PPCDC: variants seen among roughly 807,000 people sequenced by gnomAD.
PPCDC encodes phosphopantothenoylcysteine decarboxylase.
A neutral mutation model predicts 20.7 loss-of-function variants in PPCDC; 20 were observed. That is an observed-to-expected ratio of 0.97 (90% CI 0.68 to 1.41). The LOEUF (loss-of-function observed/expected upper bound fraction) is 1.41, where lower values mean the gene tolerates loss of function less well. Ranked by LOEUF, PPCDC falls within the 40% of genes most tolerant of loss-of-function variation. PPCDC has a pLI of 0.00. For missense variants in PPCDC, 246 were observed against 263.8 expected (o/e 0.93, Z 0.47); for synonymous variants, 88 against 100.3 (o/e 0.88, Z 0.73).
Position 75,048,572 on chromosome 15 carries a change from G to A in PPCDC, c.380G>A (p.Trp127Ter). Residue 127 changes from tryptophan (W) to a stop codon, truncating the protein, a stop_gained, in exon 5 of 6, where the codon TGG becomes TAG. Transcript: ENST00000342932. LOFTEE classifies it high-confidence loss of function. ...DNLLTCVMRA[W>*]DRSKPLLFCP... ...TCACAGACCTGCGTCATGCGGGCCT[G>A]GGACCGCAGCAAGCCCCTGCTCTTC... The A allele has an allele frequency of 1.9e-6, 3 of 1,614,102 alleles. No homozygotes were observed. The highest frequency in any genetic ancestry group is 2.5e-6 in the Non-Finnish European group (3 of 1,179,960).
intron 3 of PPCDC, among the ~76,000 whole-genome samples, chr15:75,044,082 C>T (rs1032850477): frequency 1.2e-4 from 16 of 132,558 alleles, no homozygotes; most frequent in African/African-American, 4.1e-4. Flanking sequence ...CTGGCTTGGA[C>T]AACCCAAGCA....
chr15:75,033,216 C>T (rs911486581), intron 2 of PPCDC, among the ~76,000 whole-genome samples: 2 of 152,200 alleles, frequency 1.3e-5, no homozygotes, highest in African/African-American at 4.8e-5. Flanking sequence ...TGGAACACAG[C>T]CATACCCATT....
At position 75,043,463 on chromosome 15, in the gene PPCDC, C is replaced by G; in HGVS notation, c.158C>G (p.Thr53Ser). 6.2e-7 allele frequency: 1 copy of G among 1,612,858 alleles called. No individual in the cohort carries two copies. Among genetic ancestry groups the G allele is most frequent in the Non-Finnish European group, 8.5e-7 (1 of 1,179,458 alleles). ...IPGLEVAVVT[T>S]ERAKHFYSPQ... ...CAGCTGGAAGTAGCAGTGGTCACAACTGAGAGAGCCAAACATTTCTACAGC... is the reference window on the plus strand; with the variant it reads ...CAGCTGGAAGTAGCAGTGGTCACAAGTGAGAGAGCCAAACATTTCTACAGC... Residue 53 changes from threonine to serine, a missense_variant, in exon 3 of 6, where the codon ACT becomes AGT. Transcript: ENST00000342932.
At chr15:75,048,343 T>G (rs903530514) in intron 4 of PPCDC, among the ~76,000 whole-genome samples, 8 of 152,164 alleles carry the variant, frequency 5.3e-5, no homozygotes, top group African/African-American at 1.9e-4. Context: ...ACCTCCTGTT[T>G]GTAGGATCCT....
chr15:75,044,283 G>GCAGGT (rs1359241965), intron 3 of PPCDC, 103 bp from the exon 4 acceptor site: 9 of 1,515,584 alleles, frequency 5.9e-6, no homozygotes, highest in Non-Finnish European at 8.1e-6. Flanking sequence ...CCTGGGCAGG[G>GCAGGT]CAGGTCAGTG....
At chr15:75,029,519 A>T (rs1054950314) in intron 2 of PPCDC, among the ~76,000 whole-genome samples, 2 of 152,016 alleles carry the variant, frequency 1.3e-5, no homozygotes, top group African/African-American at 2.4e-5. Flanking sequence ...CTGGGCTGGG[A>T]AGTGTTTCAC....
chr15:75,035,298 T>A (rs58227680), intron 2 of PPCDC, among the ~76,000 whole-genome samples: 1,990 of 152,286 alleles, frequency 0.013, 45 homozygotes, highest in African/African-American at 0.046. Flanking sequence ...CTCTTGGTTC[T>A]AGTGGGTAGA....
intron 4 of PPCDC, among the ~76,000 whole-genome samples, chr15:75,047,768 TCACAG>T (rs1392393344): frequency 2.0e-5 from 3 of 152,234 alleles, no homozygotes; most frequent in Non-Finnish European, 4.4e-5. Flanking sequence ...GTCCAGGTTC[TCACAG>T]CTAGTAATAC....
In PPCDC at chr15:75,044,301, C is replaced by G. The variant is rs2141497653; in HGVS notation, c.232-85C>G. 5 of 1,565,386 alleles carry G rather than the reference C, an allele frequency of 3.2e-6. No homozygotes were observed. The South Asian group carries it at 5.6e-5, about 17-fold the overall frequency. On this transcript the variant is annotated intron_variant, in intron 3 of 5. Transcript: ENST00000342932. The stretch of plus-strand genomic sequence containing the variant: ...GGGCAGGGCAGGTCAGTGGGTTCCT[C>G]AGTCTCCTGACTTACCGTACCTGGC...
intron 2 of PPCDC, among the ~76,000 whole-genome samples, chr15:75,030,544 A>G (rs374786121): frequency 1.3e-5 from 2 of 152,232 alleles, no homozygotes; most frequent in East Asian, 1.9e-4. Context: ...TTGGGATCCA[A>G]AGGTAATCCC....
rs1474110015 is a variant in PPCDC, at chr15:75,049,598, T to C, written c.*363T>C. ...AACACCACAGCTGGAGAGTCCTGGC[T>C]GAGCCTTGGGAGTTTCAGCTCTTTG... On this transcript the variant is annotated 3_prime_UTR_variant, in exon 6 of 6. Coordinates refer to ENST00000342932, the MANE Select transcript of PPCDC (RefSeq NM_021823.5). 1 of 204,674 alleles carries C rather than the reference T, an allele frequency of 4.9e-6. No individual in the cohort carries two copies. The highest frequency in any genetic ancestry group is 2.3e-5 in the African/African-American group (1 of 42,960). The allele number at this position is 204,674 out of a possible 1,614,324, so 12.7% of individuals were successfully genotyped here.
intron 4 of PPCDC, 142 bp downstream of exon 4, chr15:75,044,656 G>T (rs1198547157): frequency 4.3e-6 from 5 of 1,153,990 alleles, no homozygotes; most frequent in African/African-American, 1.6e-5. Flanking sequence ...TCCCCACATC[G>T]CCCCCAGTGC....
chr15:75,044,700 T>A, intron 4 of PPCDC, 186 bp downstream of exon 4: 1 of 746,654 alleles, frequency 1.3e-6, no homozygotes, highest in Non-Finnish European at 2.1e-6. Flanking sequence ...GGCACAGCCC[T>A]GGTCCTGATG....
At chr15:75,040,594 AATTATT>A (rs1273345833) in intron 2 of PPCDC, among the ~76,000 whole-genome samples, 1 of 152,114 alleles carries the variant, frequency 6.6e-6, no homozygotes, top group East Asian at 1.9e-4. Flanking sequence ...TATTTACTAT[AATTATT>A]ATTATATTAG....
In PPCDC at chr15:75,045,350, A is replaced by G. The variant is rs117808616; in HGVS notation, c.360+836A>G. 1.8e-3 allele frequency among the ~76,000 whole-genome samples: 278 copies of G among 152,332 alleles called. 1 individual carries two copies. The highest frequency in any genetic ancestry group is 2.4e-3 in the Non-Finnish European group (162 of 68,020). On this transcript the variant is annotated intron_variant, in intron 4 of 5. Transcript: ENST00000342932. Reference sequence around the variant, plus strand: ...TCACCCATGCCGTTGGGAAGGGAGTATCCTCTGGTGAGGGGTACAGTCCTG... The same window carrying G: ...TCACCCATGCCGTTGGGAAGGGAGTGTCCTCTGGTGAGGGGTACAGTCCTG...
At chr15:75,049,113 G>C in intron 5 of PPCDC, 37 bp from the exon 6 acceptor site, 12 of 1,569,794 alleles carry the variant, frequency 7.6e-6, no homozygotes, top group Non-Finnish European at 1.1e-5. Flanking sequence ...TACAGGCACT[G>C]TTGGCCTGTC....
intron 2 of PPCDC, among the ~76,000 whole-genome samples, chr15:75,031,231 C>T (rs2066017235): frequency 6.6e-6 from 1 of 152,136 alleles, no homozygotes; most frequent in African/African-American, 2.4e-5. Context: ...AGAGAAGGTC[C>T]TGGGGCTCAG....
intron 4 of PPCDC, chr15:75,044,893 C>G (rs1476693269): frequency 4.2e-6 from 1 of 240,638 alleles, no homozygotes; most frequent in Non-Finnish European, 8.3e-6. Flanking sequence ...TCTGCCTTCT[C>G]CGCAGATCTG....
chr15:75,036,480 G>A (rs34843990), intron 2 of PPCDC, among the ~76,000 whole-genome samples: 2,200 of 152,274 alleles, frequency 0.014, 31 homozygotes, highest in Middle Eastern at 0.031. Flanking sequence ...CAGAGGTGGG[G>A]CATCAGGAAA....
Sources: allele counts gnomAD v4.1 joint callset (sites outside exome capture counted in the v4.1 genomes callset), GRCh38; gene constraint gnomAD v4.1.1; transcripts MANE v1.5; gene names NCBI Gene and HGNC (gene_info 2026-07-23, HGNC 2026-07-21).